Variants in EED observed in about 807,000 individuals in gnomAD.
The protein encoded by EED is embryonic ectoderm development, also known as polycomb protein EED.
A neutral mutation model predicts 61.0 loss-of-function variants in EED; 9 were observed. That is an observed-to-expected ratio of 0.15 (90% CI 0.09 to 0.26). EED has a LOEUF of 0.26. Among genes scored for constraint, EED ranks in the 10% least tolerant of loss-of-function variants. The pLI is 1.00. For missense variants in EED, 315 were observed against 542.3 expected, an observed-to-expected ratio of 0.58 and a Z score of 4.16; for synonymous variants, 187 against 174.4, an observed-to-expected ratio of 1.07 and a Z score of -0.57.
chr11:86,248,266 A>G (rs1945440528), intron 1 of EED, among the ~76,000 whole-genome samples: 1 of 152,230 alleles, frequency 6.6e-6, no homozygotes, highest in Non-Finnish European at 1.5e-5. Flanking sequence ...TGGCTGTATT[A>G]CATTTTCATT....
At chr11:86,284,260 G>C in the EED span, 2 of 152,166 alleles carry the variant, frequency 1.3e-5, no homozygotes, top group African/African-American at 4.8e-5. Context: ...CCTGGGTTTT[G>C]TTTTTGGACA....
intron 6 of EED, among the ~76,000 whole-genome samples, chr11:86,258,407 T>G (rs867690571): frequency 3.9e-5 from 6 of 152,192 alleles, no homozygotes; most frequent in Non-Finnish European, 7.4e-5. Context: ...ATTTTGGAAA[T>G]CACTACCTCT....
At chr11:86,274,691 C>T (rs1377664802) in intron 9 of EED, among the ~76,000 whole-genome samples, 3 of 152,004 alleles carry the variant, frequency 2.0e-5, no homozygotes, top group Non-Finnish European at 2.9e-5. Context: ...CTAATTACTG[C>T]CCCCCCTAGT....
At chr11:86,280,643 A>C (rs1185806173), downstream of EED, among the ~76,000 whole-genome samples, 1 of 152,234 alleles carries the variant, frequency 6.6e-6, no homozygotes, top group Non-Finnish European at 1.5e-5. Context: ...ATATGTCTTT[A>C]ATTGACCATT....
At chr11:86,264,358 T>TA in intron 7 of EED, 95 bp downstream of exon 7, 1 of 832,798 alleles carries the variant, frequency 1.2e-6, no homozygotes, top group Non-Finnish European at 1.9e-6. Context: ...GTGTTTCATG[T>TA]AGCCTGTCAG....
chr11:86,262,935 C>T (rs912640760), intron 6 of EED, among the ~76,000 whole-genome samples: 2 of 151,950 alleles, frequency 1.3e-5, no homozygotes, highest in Admixed American at 6.6e-5. Flanking sequence ...CCTCAGTCCC[C>T]TAAGTAGCTA....
intron 9 of EED, chr11:86,276,054 C>G (rs569707443): frequency 6.6e-6 from 1 of 152,108 alleles, no homozygotes; most frequent in Non-Finnish European, 1.5e-5. Context: ...ATTTCTGAAT[C>G]CTGGTGCTAT....
intron 5 of EED, among the ~76,000 whole-genome samples, chr11:86,257,002 C>A (rs1945692189): frequency 6.6e-6 from 1 of 152,036 alleles, no homozygotes. Context: ...CTCCGCTAAT[C>A]CGATCAGAAT....
chr11:86,269,851 G>A (rs970397294), intron 9 of EED, among the ~76,000 whole-genome samples: 3 of 152,038 alleles, frequency 2.0e-5, no homozygotes, highest in South Asian at 2.1e-4. Context: ...TTTTATTGCT[G>A]AGTAGTATTC....
In EED at chr11:86,256,484, T is replaced by G; in HGVS notation, c.524T>G (p.Ile175Arg). Residue 175 changes from isoleucine (I) to arginine (R), a missense_variant, in exon 5 of 12, where the codon ATA becomes AGA. Transcript: ENST00000263360. The part of the protein sequence containing the change: ...VAGSRGIIRI[I>R]NPITMQCIKH... ...GGATCTAGAGGCATAATTAGGATAA[T>G]AAATCCTATAACAATGCAGTGTATA... 6.2e-7 allele frequency: 1 copy of G among 1,611,336 alleles called. No individual in the cohort carries two copies. The highest frequency in any genetic ancestry group is 8.5e-7 in the Non-Finnish European group (1 of 1,178,270).
chr11:86,269,856 G>A (rs551334582), intron 9 of EED, among the ~76,000 whole-genome samples: 1 of 152,220 alleles, frequency 6.6e-6, no homozygotes, highest in East Asian at 1.9e-4. Context: ...TTGCTGAGTA[G>A]TATTCCATGG....
Position 86,250,302 on chromosome 11 carries a change from G to C in EED, c.121G>C (p.Ala41Pro). The C allele has an allele frequency of 6.4e-7, 1 of 1,556,516 alleles. No homozygotes were observed. The highest frequency in any genetic ancestry group is 1.2e-5 in the South Asian group (1 of 82,914). Residue 41 changes from alanine (A) to proline (P), a missense_variant, in exon 2 of 12, where the codon GCT becomes CCT. Transcript: ENST00000263360. ...PDLSGDENDD[A>P]VSIESGTNTE... ...CCTCATTTACTGCTTACAGGATGAC[G>C]CTGTCAGTATAGAAAGTGGTACAAA...
chr11:86,254,888 T>A (rs765763990), intron 3 of EED, among the ~76,000 whole-genome samples: 32 of 152,246 alleles, frequency 2.1e-4, no homozygotes, highest in Non-Finnish European at 4.6e-4. Flanking sequence ...CCCAAAATGC[T>A]GGGATTACAG....
At chr11:86,253,822 T>C (rs1593727941) in intron 3 of EED, among the ~76,000 whole-genome samples, 1 of 151,628 alleles carries the variant, frequency 6.6e-6, no homozygotes, top group African/African-American at 2.4e-5. Flanking sequence ...CTGAGGCAGG[T>C]GGATCACCTG....
At chr11:86,271,234 A>G (rs575864444) in intron 9 of EED, among the ~76,000 whole-genome samples, 22 of 152,328 alleles carry the variant, frequency 1.4e-4, no homozygotes, top group African/African-American at 4.1e-4. Flanking sequence ...TTTTTAGCAT[A>G]TAAGTCCCAT....
chr11:86,260,403 A>AT (rs5793190), intron 6 of EED, among the ~76,000 whole-genome samples: 107,199 of 151,740 alleles, frequency 0.71, 38,323 homozygotes, highest in Non-Finnish European at 0.78. Flanking sequence ...ATTTTTAAAA[A>AT]TTTTTTGTAG....
chr11:86,246,214 T>TAA (rs1428709610), intron 1 of EED, among the ~76,000 whole-genome samples: 2 of 152,218 alleles, frequency 1.3e-5, no homozygotes, highest in Non-Finnish European at 2.9e-5. Flanking sequence ...TTGACATAAA[T>TAA]AAGTTTTCAG....
chr11:86,272,809 A>G (rs912376797), intron 9 of EED, among the ~76,000 whole-genome samples: 3 of 152,134 alleles, frequency 2.0e-5, no homozygotes, highest in Non-Finnish European at 4.4e-5. Flanking sequence ...TTTTAAATCT[A>G]TTCTGCCTAT....
At chr11:86,271,398 C>A (rs558920137) in intron 9 of EED, among the ~76,000 whole-genome samples, 1 of 152,182 alleles carries the variant, frequency 6.6e-6, no homozygotes, top group African/African-American at 2.4e-5. Flanking sequence ...AGCTAGACTA[C>A]ATATTCAAGG....
Sources: gnomAD v4.1 joint callset for allele counts (sites outside exome capture counted in the v4.1 genomes callset) on GRCh38, gnomAD v4.1.1 for gene constraint, MANE v1.5 for transcripts, NCBI Gene and HGNC (gene_info 2026-07-23, HGNC 2026-07-21) for gene names.